DOK6: variants seen among roughly 807,000 people sequenced by gnomAD.
DOK6 encodes the protein downstream of tyrosine kinase 6.
DOK6 carries 22 observed loss-of-function variants against 44.0 expected under a neutral mutation model. The observed-to-expected ratio is 0.50, with a 90% CI of 0.36 to 0.71. The LOEUF is 0.71. DOK6 is among the 30% of genes least tolerant of loss of function. The probability of loss-of-function intolerance (pLI) is 0.00; values close to 1 mark genes in which losing one functional copy is unlikely to be tolerated. For missense variants in DOK6, 340 were observed against 416.4 expected (o/e 0.82, Z 1.60); for synonymous variants, 166 against 145.5 (o/e 1.14, Z -1.01).
chr18:69,636,058 C>T (rs79865638), intron 3 of DOK6, among the ~76,000 whole-genome samples: 4,390 of 152,142 alleles, frequency 0.029, 194 homozygotes, highest in African/African-American at 0.1. Context: ...CTCCAGCAAG[C>T]CCCAATAGGA....
chr18:69,516,784 C>G (rs1981536515), intron 1 of DOK6, among the ~76,000 whole-genome samples: 1 of 151,782 alleles, frequency 6.6e-6, no homozygotes, highest in Non-Finnish European at 1.5e-5. Context: ...CAAGTGATTC[C>G]CCTGCCTCAG....
At chr18:69,784,756 T>C (rs1472158919) in intron 7 of DOK6, among the ~76,000 whole-genome samples, 1 of 152,226 alleles carries the variant, frequency 6.6e-6, no homozygotes, top group Non-Finnish European at 1.5e-5. Flanking sequence ...TTCTTGTTTT[T>C]ATATAAGATT....
rs1360815902 is a variant in DOK6 at position 69,456,810 on chromosome 18, CCATT to C, written c.66+55501_66+55504del. The stretch of plus-strand genomic sequence containing the variant: ...CTTTTCTTCGAAGTCTTGCCAGTAT[CCATT>C]GTTTTTTGACTTCTTAATAATAGCC... On this transcript the variant is annotated intron_variant, in intron 1 of 7. Transcript: ENST00000382713. 5.3e-5 allele frequency among the ~76,000 whole-genome samples: 8 copies of C among 152,188 alleles called. No homozygotes were observed. The East Asian group carries it at 1.5e-3, about 29-fold the overall frequency.
intron 3 of DOK6, among the ~76,000 whole-genome samples, chr18:69,614,660 A>G (rs1290651054): frequency 1.4e-4 from 22 of 152,056 alleles, no homozygotes; most frequent in Non-Finnish European, 1.5e-5. Flanking sequence ...TAGAAACTGT[A>G]AATAGAAATT....
At chr18:69,524,248 G>A (rs976903391) in intron 1 of DOK6, among the ~76,000 whole-genome samples, 6 of 151,962 alleles carry the variant, frequency 3.9e-5, no homozygotes, top group African/African-American at 1.2e-4. Flanking sequence ...ATTAATCATT[G>A]AAAATGTAAA....
intron 1 of DOK6, among the ~76,000 whole-genome samples, chr18:69,492,610 C>A: frequency 6.6e-6 from 1 of 151,936 alleles, no homozygotes; most frequent in Middle Eastern, 3.4e-3. Context: ...GTCCATTGTT[C>A]CCTGTTTTGT....
chr18:69,642,860 A>G (rs1254724773), intron 3 of DOK6, among the ~76,000 whole-genome samples: 2 of 152,204 alleles, frequency 1.3e-5, no homozygotes, highest in Admixed American at 1.3e-4. Context: ...TTCTTTTTGT[A>G]ATTAATATTT....
intron 6 of DOK6, among the ~76,000 whole-genome samples, chr18:69,745,581 G>A (rs973482174): frequency 3.3e-5 from 5 of 152,196 alleles, no homozygotes; most frequent in African/African-American, 1.2e-4. Context: ...GTCAGTTCCT[G>A]GGATGTGTTC....
intron 6 of DOK6, among the ~76,000 whole-genome samples, chr18:69,739,830 TAGA>T (rs1036145737): frequency 5.9e-5 from 9 of 152,220 alleles, no homozygotes; most frequent in Non-Finnish European, 8.8e-5. Flanking sequence ...AGTTCATCTA[TAGA>T]AGGACAGGTA....
At chr18:69,510,276 T>G (rs1362126630) in intron 1 of DOK6, among the ~76,000 whole-genome samples, 3 of 152,238 alleles carry the variant, frequency 2.0e-5, no homozygotes, top group Admixed American at 6.5e-5. Flanking sequence ...TTCTTTTTGG[T>G]GCTATTGGAA....
chr18:69,539,753 T>C (rs1982219585), intron 1 of DOK6, among the ~76,000 whole-genome samples: 1 of 152,238 alleles, frequency 6.6e-6, no homozygotes, highest in Non-Finnish European at 1.5e-5. Flanking sequence ...TTGTTATGGA[T>C]GCAGATGTAT....
chr18:69,592,721 T>C (rs73970186), intron 2 of DOK6, among the ~76,000 whole-genome samples: 4,640 of 152,250 alleles, frequency 0.03, 223 homozygotes, highest in African/African-American at 0.11. Context: ...TATTAAACTT[T>C]AATCAGTACT....
chr18:69,531,802 G>A (rs947465005), intron 1 of DOK6, among the ~76,000 whole-genome samples: 2 of 152,102 alleles, frequency 1.3e-5, no homozygotes, highest in Middle Eastern at 3.4e-3. Flanking sequence ...CTTTTTAAAG[G>A]ATATCTCCTA....
At chr18:69,534,934 G>C (rs1319417078) in intron 1 of DOK6, among the ~76,000 whole-genome samples, 2 of 152,030 alleles carry the variant, frequency 1.3e-5, no homozygotes, top group Admixed American at 6.6e-5. Context: ...CTTTCTGGCT[G>C]TGATATTGTC....
chr18:69,491,836 T>C (rs1024683949), intron 1 of DOK6, among the ~76,000 whole-genome samples: 1 of 152,252 alleles, frequency 6.6e-6, no homozygotes, highest in Non-Finnish European at 1.5e-5. Context: ...TATAAATATA[T>C]AAATCATCTT....
At chr18:69,587,179 C>T (rs1174286694) in intron 2 of DOK6, among the ~76,000 whole-genome samples, 1 of 152,118 alleles carries the variant, frequency 6.6e-6, no homozygotes, top group Non-Finnish European at 1.5e-5. Context: ...AACTTGGTGG[C>T]TTAAAAACAC....
chr18:69,653,700 T>TA (rs1985289788), intron 3 of DOK6, among the ~76,000 whole-genome samples: 1 of 152,214 alleles, frequency 6.6e-6, no homozygotes, highest in Non-Finnish European at 1.5e-5. Context: ...CCAGACTGCA[T>TA]AAAATTGATA....
At chr18:69,733,217 C>T (rs535006021) in intron 5 of DOK6, among the ~76,000 whole-genome samples, 5 of 151,940 alleles carry the variant, frequency 3.3e-5, no homozygotes, top group Non-Finnish European at 7.4e-5. Context: ...ATTTAATTTA[C>T]ATTAAATAAA....
chr18:69,582,340 G>A (rs1983389847), intron 2 of DOK6, among the ~76,000 whole-genome samples: 3 of 152,178 alleles, frequency 2.0e-5, no homozygotes, highest in African/African-American at 7.2e-5. Flanking sequence ...AAAGAAACCT[G>A]AATATTATGA....
Sources: gnomAD v4.1 joint callset for allele counts (sites outside exome capture counted in the v4.1 genomes callset) on GRCh38, gnomAD v4.1.1 for gene constraint, MANE v1.5 for transcripts, NCBI Gene and HGNC (gene_info 2026-07-23, HGNC 2026-07-21) for gene names.